The following RPS6KA5 variants were observed in gnomAD, a reference collection of about 807,000 sequenced individuals.
RPS6KA5 encodes ribosomal protein S6 kinase alpha-5.
Under a neutral mutation model 85.5 loss-of-function variants are expected in RPS6KA5, and 27 were observed. The observed-to-expected ratio is 0.32, with a 90% CI of 0.23 to 0.44. RPS6KA5 has a LOEUF of 0.44. RPS6KA5 is among the 20% of genes least tolerant of loss of function. The probability of loss-of-function intolerance (pLI) is 1.00; values close to 1 mark genes in which losing one functional copy is unlikely to be tolerated. For synonymous variants in RPS6KA5, 334 were observed against 348.2 expected (o/e 0.96, Z 0.46); for missense variants, 811 against 980.9 (o/e 0.83, Z 2.31).
chr14:90,866,590 C>G lies in RPS6KA5; in HGVS notation c.*5484G>C, dbSNP rs1173998638. The G allele has an allele frequency of 6.6e-6, 1 of 152,170 alleles. No individual in the cohort carries two copies. Among genetic ancestry groups the G allele is most frequent in the Admixed American group, 6.5e-5 (1 of 15,280 alleles). The allele number at this position is 152,170 out of a possible 1,614,324, so 9.4% of individuals were successfully genotyped here. On this transcript the variant is annotated 3_prime_UTR_variant, in exon 17 of 17. Coordinates refer to ENST00000614987, the MANE Select transcript of RPS6KA5 (RefSeq NM_004755.4). Reference sequence around the variant, plus strand: ...CATTTACCTTTTAGTAAGACAAATTCTTATCTTTATGTAAAACTGTGGAAG... The same window carrying G: ...CATTTACCTTTTAGTAAGACAAATTGTTATCTTTATGTAAAACTGTGGAAG...
At chr14:90,953,863 A>G (rs2038358640) in intron 3 of RPS6KA5, among the ~76,000 whole-genome samples, 1 of 152,214 alleles carries the variant, frequency 6.6e-6, no homozygotes, top group African/African-American at 2.4e-5. Context: ...TAAGATGTTT[A>G]TCAAGACAAT....
At chr14:90,875,160 C>T (rs1275107915) in intron 15 of RPS6KA5, 41 bp downstream of exon 15, 3 of 1,566,516 alleles carry the variant, frequency 1.9e-6, no homozygotes, top group East Asian at 2.2e-5. Context: ...ACTTCAATCA[C>T]TACACATCAT....
chr14:90,936,121 T>C (rs1402950657), intron 5 of RPS6KA5, among the ~76,000 whole-genome samples: 1 of 152,232 alleles, frequency 6.6e-6, no homozygotes, highest in Non-Finnish European at 1.5e-5. Context: ...TGTTTTGTTA[T>C]TTTTCAGAAT....
chr14:90,890,555 C>T lies in RPS6KA5; in HGVS notation c.1768G>A (p.Ala590Thr), dbSNP rs1220407517. The stretch of plus-strand genomic sequence containing the variant: ...CCGTTCTGATTCAAGAGCTCTGGGG[C>T]GGCATAATGAAGGGTGAAGCATGGA... ...KTPCFTLHYA[A>T]PELLNQNGYD... Residue 590 changes from alanine (A) to threonine (T), a missense_variant, in exon 14 of 17, where the codon GCC becomes ACC. Transcript: ENST00000614987. 1.9e-6 allele frequency: 3 copies of T among 1,614,078 alleles called. No individual in the cohort carries two copies. The highest frequency in any genetic ancestry group is 1.7e-5 in the Admixed American group (1 of 60,024).
intron 1 of RPS6KA5, among the ~76,000 whole-genome samples, chr14:91,014,109 C>T (rs759873879): frequency 4.6e-5 from 7 of 152,050 alleles, no homozygotes; most frequent in African/African-American, 9.7e-5. Flanking sequence ...ACTCACAGAA[C>T]CATATGCCAA....
chr14:90,970,936 T>C (rs996272925), intron 3 of RPS6KA5, among the ~76,000 whole-genome samples: 3 of 150,428 alleles, frequency 2.0e-5, no homozygotes, highest in African/African-American at 7.3e-5. Context: ...GAAATGTGAC[T>C]TAACAATAGA....
At chr14:90,991,488 G>C (rs2040302845) in intron 2 of RPS6KA5, among the ~76,000 whole-genome samples, 2 of 152,096 alleles carry the variant, frequency 1.3e-5, no homozygotes, top group African/African-American at 4.8e-5. Flanking sequence ...GGTCACTTGA[G>C]GTCAGGAGTT....
At chr14:90,873,442 TC>T (rs1311009185) in intron 16 of RPS6KA5, among the ~76,000 whole-genome samples, 189 bp downstream of exon 16, 35 of 152,182 alleles carry the variant, frequency 2.3e-4, no homozygotes, top group Non-Finnish European at 4.4e-4. Context: ...GTGACTCTGG[TC>T]CCCTGTGCAC....
chr14:90,928,189 G>A (rs899769622), intron 5 of RPS6KA5, among the ~76,000 whole-genome samples: 4 of 151,568 alleles, frequency 2.6e-5, no homozygotes, highest in Non-Finnish European at 5.9e-5. Flanking sequence ...AAAGTGCTTG[G>A]ATATAGGTAT....
At chr14:90,938,374 C>T (rs527524785) in intron 5 of RPS6KA5, among the ~76,000 whole-genome samples, 61 of 152,254 alleles carry the variant, frequency 4.0e-4, no homozygotes, top group Non-Finnish European at 7.1e-4. Flanking sequence ...TCCAGGTGCA[C>T]GGTGCGAGCT....
At chr14:90,950,173 C>T (rs1163105985) in intron 3 of RPS6KA5, among the ~76,000 whole-genome samples, 1 of 152,178 alleles carries the variant, frequency 6.6e-6, no homozygotes, top group East Asian at 1.9e-4. Flanking sequence ...AATTTATTCC[C>T]AAATGTTTTA....
At chr14:90,970,960 G>T (rs1179017312) in intron 3 of RPS6KA5, among the ~76,000 whole-genome samples, 1 of 151,310 alleles carries the variant, frequency 6.6e-6, no homozygotes, top group Non-Finnish European at 1.5e-5. Flanking sequence ...CTTTAAAGCA[G>T]GGGTCAACAA....
intron 1 of RPS6KA5, among the ~76,000 whole-genome samples, chr14:91,039,953 A>G (rs1161806874): frequency 6.6e-6 from 1 of 152,260 alleles, no homozygotes; most frequent in Non-Finnish European, 1.5e-5. Context: ...GGTAATGGCA[A>G]TGATGAGCAA....
intron 7 of RPS6KA5, among the ~76,000 whole-genome samples, chr14:90,916,761 A>G (rs1248679167): frequency 6.6e-6 from 1 of 152,236 alleles, no homozygotes; most frequent in Admixed American, 6.5e-5. Flanking sequence ...ATTAAAGGGA[A>G]GGAATCCTAT....
At chr14:91,039,944 G>A (rs1157496640) in intron 1 of RPS6KA5, among the ~76,000 whole-genome samples, 2 of 152,196 alleles carry the variant, frequency 1.3e-5, no homozygotes, top group African/African-American at 4.8e-5. Flanking sequence ...TTAGACTATG[G>A]TAATGGCAAT....
Position 90,873,615 on chromosome 14 carries a change from A to G in RPS6KA5, c.2160+17T>C. The G allele has an allele frequency of 6.2e-7, 1 of 1,603,962 alleles. No homozygotes were observed. Among genetic ancestry groups the G allele is most frequent in the Non-Finnish European group, 8.5e-7 (1 of 1,173,678 alleles). On this transcript the variant is annotated intron_variant, in intron 16 of 16. Transcript: ENST00000614987. ...CCTACTCAAACCGCCCAACATGTAC[A>G]GAGCACAGGGCCTTACGTGGAAGGT...
intron 2 of RPS6KA5, among the ~76,000 whole-genome samples, chr14:90,985,517 T>C (rs1220624202): frequency 6.6e-6 from 1 of 152,240 alleles, no homozygotes; most frequent in Admixed American, 6.5e-5. Context: ...GAGAGCAATG[T>C]TTTCTTTCAC....
intron 1 of RPS6KA5, among the ~76,000 whole-genome samples, chr14:91,019,418 C>CG (rs1182334952): frequency 4.6e-5 from 7 of 152,170 alleles, no homozygotes; most frequent in Admixed American, 1.3e-4. Flanking sequence ...TCAGCACAGT[C>CG]TTCAGACTTT....
At chr14:90,936,285 G>C (rs2037251659) in intron 5 of RPS6KA5, among the ~76,000 whole-genome samples, 1 of 152,006 alleles carries the variant, frequency 6.6e-6, no homozygotes, top group Non-Finnish European at 1.5e-5. Context: ...TAATTATATG[G>C]GCTGGGCCTG....
Sources: allele counts gnomAD v4.1 joint callset (sites outside exome capture counted in the v4.1 genomes callset), GRCh38; gene constraint gnomAD v4.1.1; transcripts MANE v1.5; gene names NCBI Gene and HGNC (gene_info 2026-07-23, HGNC 2026-07-21).